Variants in KHDRBS3 observed in about 807,000 individuals in gnomAD.
KHDRBS3 encodes KH domain-containing, RNA-binding, signal transduction-associated protein 3.
Under a neutral mutation model 45.6 loss-of-function variants are expected in KHDRBS3, and 23 were observed. That is an observed-to-expected ratio of 0.50 (90% CI 0.36 to 0.72). The LOEUF (loss-of-function observed/expected upper bound fraction) is 0.72. Ranked by LOEUF, KHDRBS3 falls within the 30% of genes least tolerant of loss-of-function variation. The pLI is 0.00. For synonymous variants in KHDRBS3, 162 were observed against 156.5 expected, an observed-to-expected ratio of 1.04 and a Z score of -0.26; for missense variants, 352 against 424.8, an observed-to-expected ratio of 0.83 and a Z score of 1.51.
intron 7 of KHDRBS3, among the ~76,000 whole-genome samples, chr8:135,637,078 A>G (rs1830844818): frequency 6.6e-6 from 1 of 152,168 alleles, no homozygotes; most frequent in African/African-American, 2.4e-5. Flanking sequence ...TTTCCACCCA[A>G]CTTGCATAAC....
intron 4 of KHDRBS3, among the ~76,000 whole-genome samples, chr8:135,550,230 T>C (rs1826519064): frequency 6.6e-6 from 1 of 152,162 alleles, no homozygotes; most frequent in South Asian, 2.1e-4. Context: ...AGTAGCACCA[T>C]TTATCCCATG....
chr8:135,543,714 C>T (rs1400102032), intron 3 of KHDRBS3, among the ~76,000 whole-genome samples: 3 of 152,116 alleles, frequency 2.0e-5, no homozygotes, highest in African/African-American at 2.4e-5. Flanking sequence ...TGTAAGGAAA[C>T]TGAGATTCAG....
At chr8:135,648,716 G>A (rs1831370057), downstream of KHDRBS3, 1 of 152,136 alleles carries the variant, frequency 6.6e-6, no homozygotes, top group Admixed American at 6.5e-5. Context: ...CAACACTAGT[G>A]ATTGTGTCAG....
intron 1 of KHDRBS3, among the ~76,000 whole-genome samples, chr8:135,486,759 T>G (rs930721987): frequency 6.6e-6 from 1 of 152,252 alleles, no homozygotes; most frequent in Non-Finnish European, 1.5e-5. Context: ...TTCCTTGGTG[T>G]TGTGTACATT....
At chr8:135,627,252 G>A (rs1410790443) in intron 7 of KHDRBS3, among the ~76,000 whole-genome samples, 1 of 152,112 alleles carries the variant, frequency 6.6e-6, no homozygotes, top group Non-Finnish European at 1.5e-5. Context: ...CCTTCACCCT[G>A]GCTTCTATCC....
At chr8:135,583,729 A>G (rs893817684) in intron 6 of KHDRBS3, among the ~76,000 whole-genome samples, 7 of 152,202 alleles carry the variant, frequency 4.6e-5, no homozygotes, top group Non-Finnish European at 7.3e-5. Flanking sequence ...TTTCCATTCA[A>G]TAAAGATTGG....
intron 1 of KHDRBS3, among the ~76,000 whole-genome samples, chr8:135,485,236 C>G (rs1254956258): frequency 6.6e-6 from 1 of 152,108 alleles, no homozygotes; most frequent in Non-Finnish European, 1.5e-5. Flanking sequence ...CAGTGACTGA[C>G]ATGAAGGAGA....
chr8:135,548,811 C>T lies in KHDRBS3; in HGVS notation c.382C>T (p.His128Tyr), dbSNP rs771409135. 1 of 1,601,530 alleles carries T rather than the reference C, an allele frequency of 6.2e-7. No individual in the cohort carries two copies. Among genetic ancestry groups the T allele is most frequent in the Non-Finnish European group, 8.5e-7 (1 of 1,173,100 alleles). The change falls in exon 4 of 9, where the codon CAT becomes TAT. Residue 128 changes from histidine to tyrosine, a missense_variant. Physicochemically the swap from His to Tyr is moderately conservative, Grantham distance 83. Around this residue, in one of 6 missense-constraint regions of KHDRBS3, gnomAD observed 46 missense variants for 45.9 expected, o/e 1.00. Transcript: ENST00000355849. ...GTACTTCCATCTCAATGATGATCTC[C>T]ATGTTCTCATTGAAGTGTTTGCCCC... is the stretch of plus-strand genomic sequence containing the variant. ...AKYFHLNDDL[H>Y]VLIEVFAPPA...
chr8:135,606,013 A>C (rs1445196414), intron 6 of KHDRBS3, among the ~76,000 whole-genome samples: 3 of 152,122 alleles, frequency 2.0e-5, no homozygotes, highest in African/African-American at 7.2e-5. Flanking sequence ...ACTTTTCTAA[A>C]CTAATCTTAT....
intron 1 of KHDRBS3, among the ~76,000 whole-genome samples, chr8:135,476,581 C>A (rs1371515349): frequency 1.3e-5 from 2 of 152,184 alleles, no homozygotes; most frequent in Non-Finnish European, 2.9e-5. Flanking sequence ...TTTCCCTCTG[C>A]CTTTTCGTGC....
chr8:135,543,158 G>A (rs1323152599), intron 3 of KHDRBS3, among the ~76,000 whole-genome samples: 2 of 152,026 alleles, frequency 1.3e-5, no homozygotes, highest in Non-Finnish European at 2.9e-5. Flanking sequence ...AGTTTATAAT[G>A]TATATGCTTT....
chr8:135,539,789 T>TA (rs1825955529), intron 2 of KHDRBS3: 1 of 152,130 alleles, frequency 6.6e-6, no homozygotes, highest in African/African-American at 2.4e-5. Context: ...GAAGGGAAAA[T>TA]AAAAGTGTTT....
intron 7 of KHDRBS3, among the ~76,000 whole-genome samples, chr8:135,635,371 GTGTTTGTTTGTT>G (rs561791144): frequency 2.0e-5 from 3 of 151,890 alleles, no homozygotes; most frequent in Non-Finnish European, 4.4e-5. Context: ...GCAGGTAGTA[GTGTTTGTTTGTT>G]TGTTTGTTTG....
intron 7 of KHDRBS3, among the ~76,000 whole-genome samples, chr8:135,607,570 A>G (rs1394883458): frequency 1.3e-5 from 2 of 152,212 alleles, no homozygotes; most frequent in Non-Finnish European, 2.9e-5. Context: ...CAGAGGCAAA[A>G]CAGAGCTTCA....
chr8:135,607,088 C>A, intron 7 of KHDRBS3, 51 bp downstream of exon 7: 1 of 1,388,544 alleles, frequency 7.2e-7, no homozygotes, highest in Non-Finnish European at 1.0e-6. Flanking sequence ...CATCCCCTTC[C>A]ACATTCATAT....
chr8:135,494,731 T>G (rs548873139), intron 1 of KHDRBS3, among the ~76,000 whole-genome samples: 13 of 152,294 alleles, frequency 8.5e-5, no homozygotes, highest in African/African-American at 2.6e-4. Flanking sequence ...TGGTGCTGTA[T>G]GTGTGTGTAG....
At chr8:135,528,498 A>G (rs1237654723) in intron 2 of KHDRBS3, among the ~76,000 whole-genome samples, 4 of 151,992 alleles carry the variant, frequency 2.6e-5, no homozygotes, top group Admixed American at 1.3e-4. Flanking sequence ...CAGAGACATA[A>G]TATTTTTTCA....
intron 2 of KHDRBS3, chr8:135,539,684 T>A (rs2130760372): frequency 6.6e-6 from 1 of 152,304 alleles, no homozygotes; most frequent in Middle Eastern, 3.4e-3. Flanking sequence ...GTTTTGTGGA[T>A]GAAAAGTCTG....
intron 8 of KHDRBS3, among the ~76,000 whole-genome samples, chr8:135,645,951 T>C (rs928691128): frequency 6.6e-6 from 1 of 151,832 alleles, no homozygotes; most frequent in Non-Finnish European, 1.5e-5. Flanking sequence ...AAGTGCATTT[T>C]GTTGTATCAC....
Sources: gnomAD v4.1 joint callset for allele counts (sites outside exome capture counted in the v4.1 genomes callset) on GRCh38, gnomAD v4.1.1 for gene constraint, gnomAD v4.1.1 regional missense constraint, MANE v1.5 for transcripts, NCBI Gene and HGNC (gene_info 2026-07-23, HGNC 2026-07-21) for gene names.